Variants in BANP observed in about 807,000 individuals in gnomAD.
The protein encoded by BANP is protein BANP.
BANP carries 11 observed loss-of-function variants against 68.1 expected under a neutral mutation model. The ratio of observed to expected loss-of-function variants is 0.16; its 90% CI spans 0.10 to 0.27. The LOEUF is 0.27. Ranked by LOEUF, BANP falls within the 10% of genes least tolerant of loss-of-function variation. BANP has a pLI of 1.00. For missense variants in BANP, 504 were observed against 722.7 expected (o/e 0.70, Z 3.47); for synonymous variants, 329 against 303.2 (o/e 1.09, Z -0.88).
intron 1 of BANP, among the ~76,000 whole-genome samples, 152 bp from the exon 2 acceptor site, chr16:87,974,896 C>G (rs566232829): frequency 8.5e-5 from 13 of 152,242 alleles, no homozygotes; most frequent in African/African-American, 2.9e-4. Context: ...AGAAACTAAC[C>G]TTTTGGGGGT....
At chr16:87,977,841 A>ATTTT (rs1323127962) in intron 2 of BANP, among the ~76,000 whole-genome samples, 1 of 48,738 alleles carries the variant, frequency 2.1e-5, no homozygotes, top group East Asian at 4.4e-4. Flanking sequence ...TGATTGTGAT[A>ATTTT]TCTTTATTTA....
intron 6 of BANP, among the ~76,000 whole-genome samples, chr16:88,009,249 C>T (rs78499047): frequency 0.012 from 1,761 of 152,190 alleles, 26 homozygotes; most frequent in African/African-American, 0.039. Context: ...CGAGTTTCTA[C>T]GAGGGAAAGC....
intron 11 of BANP, among the ~76,000 whole-genome samples, chr16:88,061,905 C>T (rs909303958): frequency 1.3e-4 from 19 of 151,994 alleles, no homozygotes; most frequent in East Asian, 3.9e-4. Context: ...GTGACCAGCC[C>T]GCCTCGGCCT....
rs556851087 is a variant in BANP at position 87,975,292 on chromosome 16, A to G, written c.70+107A>G. ...CTTTAAGCAGAAGAAAAAGTAATGC[A>G]TGCTGCGTATGAAAAGTTTGAATCC... On this transcript the variant is annotated intron_variant, in intron 2 of 13. Transcript: ENST00000682872. 6.4e-5 allele frequency: 70 copies of G among 1,096,440 alleles called. 1 individual carries two copies. Among genetic ancestry groups the G allele is most frequent in the Middle Eastern group, 5.9e-4 (3 of 5,060 alleles). 67.9% of individuals were successfully genotyped at this position (1,096,440 alleles called of 1,614,324 possible).
intron 8 of BANP, among the ~76,000 whole-genome samples, chr16:88,027,971 G>A (rs2077334237): frequency 6.6e-6 from 1 of 152,250 alleles, no homozygotes; most frequent in Admixed American, 6.5e-5. Context: ...GTATTCTCAC[G>A]ATTTGCCGGG....
chr16:87,993,320 G>A (rs1185748416), intron 4 of BANP, among the ~76,000 whole-genome samples: 1 of 152,230 alleles, frequency 6.6e-6, no homozygotes, highest in Non-Finnish European at 1.5e-5. Flanking sequence ...GTTGTGTGCC[G>A]CCTCCTCGAG....
At chr16:87,979,269 C>G (rs2062808663) in intron 2 of BANP, among the ~76,000 whole-genome samples, 1 of 152,118 alleles carries the variant, frequency 6.6e-6, no homozygotes, top group Non-Finnish European at 1.5e-5. Context: ...ACCAGAGAGG[C>G]CTGTGCACTT....
At chr16:88,054,452 T>G (rs1424542348) in intron 11 of BANP, among the ~76,000 whole-genome samples, 3 of 151,472 alleles carry the variant, frequency 2.0e-5, no homozygotes, top group Admixed American at 1.3e-4. Context: ...ACCACTATTA[T>G]GTCCCTCATC....
chr16:88,009,537 C>T (rs564197218), intron 6 of BANP, among the ~76,000 whole-genome samples: 16 of 152,282 alleles, frequency 1.1e-4, no homozygotes, highest in Non-Finnish European at 2.2e-4. Context: ...GTTTTTTTCA[C>T]TTAGGTAATT....
rs112033558 is a variant in BANP, at chr16:88,026,321, C to G, written c.896-1162C>G. ...GCCCTGCCCGTAAGGAGTTTGTACT[C>G]TAGTTGAGAAGGCACGATAGAGAGG... On this transcript the variant is annotated intron_variant, in intron 7 of 13. Transcript: ENST00000682872. Among the ~76,000 whole-genome samples the G allele has an allele frequency of 4.1e-4, 62 of 152,316 alleles. 1 individual carries two copies. The highest frequency in any genetic ancestry group is 1.4e-3 in the African/African-American group (60 of 41,568).
At chr16:88,026,245 G>C (rs1466924438) in intron 7 of BANP, among the ~76,000 whole-genome samples, 3 of 152,216 alleles carry the variant, frequency 2.0e-5, no homozygotes, top group Non-Finnish European at 2.9e-5. Context: ...AGTGAGAGTA[G>C]GTTGTGCCCA....
chr16:88,019,397 C>T (rs2075359367), intron 7 of BANP, among the ~76,000 whole-genome samples: 1 of 151,990 alleles, frequency 6.6e-6, no homozygotes, highest in South Asian at 2.1e-4. Flanking sequence ...CACGAGGCCC[C>T]TGGCGGGAGG....
chr16:87,997,070 T>G (rs1247862195), intron 4 of BANP, among the ~76,000 whole-genome samples: 2 of 152,044 alleles, frequency 1.3e-5, no homozygotes, highest in African/African-American at 4.8e-5. Flanking sequence ...AGAAGAGAAA[T>G]GGAAGGCCAC....
At chr16:88,039,888 C>T (rs1377935206) in intron 11 of BANP, among the ~76,000 whole-genome samples, 1 of 152,198 alleles carries the variant, frequency 6.6e-6, no homozygotes, top group Non-Finnish European at 1.5e-5. Context: ...CCGGGTCTTC[C>T]GTGGCCCCTC....
chr16:87,966,863 T>G (rs1214683116), intron 1 of BANP: 1 of 152,450 alleles, frequency 6.6e-6, no homozygotes, highest in Non-Finnish European at 1.5e-5. Flanking sequence ...TATTTTCCTT[T>G]GCTTTGAGGA....
chr16:88,019,588 C>CGTGCGGGGGGCGG (rs2075473085), intron 7 of BANP, among the ~76,000 whole-genome samples: 2 of 7,706 alleles, frequency 2.6e-4, no homozygotes, highest in African/African-American at 7.4e-4. Flanking sequence ...TCCGGGATCT[C>CGTGCGGGGGGCGG]GGCGTGCGGG....
At chr16:88,012,809 T>C (rs1231073191) in intron 6 of BANP, among the ~76,000 whole-genome samples, 1 of 152,154 alleles carries the variant, frequency 6.6e-6, no homozygotes, top group Non-Finnish European at 1.5e-5. Context: ...AAAAAGATTG[T>C]GTTTCAATTA....
At chr16:87,993,867 C>T (rs985530750) in intron 4 of BANP, among the ~76,000 whole-genome samples, 1 of 152,192 alleles carries the variant, frequency 6.6e-6, no homozygotes, top group African/African-American at 2.4e-5. Context: ...TCCCAAAGTG[C>T]TGGGATTACA....
At chr16:88,014,442 TG>T (rs1313234920) in intron 6 of BANP, among the ~76,000 whole-genome samples, 5 of 151,716 alleles carry the variant, frequency 3.3e-5, no homozygotes, top group African/African-American at 1.2e-4. Context: ...GTTCTCGGTG[TG>T]GGCATGGAGA....
Sources: gnomAD v4.1 joint callset for allele counts (sites outside exome capture counted in the v4.1 genomes callset) on GRCh38, gnomAD v4.1.1 for gene constraint, MANE v1.5 for transcripts, NCBI Gene and HGNC (gene_info 2026-07-23, HGNC 2026-07-21) for gene names.